Variants in LAMA5 observed in about 807,000 individuals in gnomAD.
LAMA5 encodes the protein laminin subunit alpha-5.
A neutral mutation model predicts 433.4 loss-of-function variants in LAMA5; 260 were observed. That is an observed-to-expected ratio of 0.60 (90% CI 0.54 to 0.66). The LOEUF (loss-of-function observed/expected upper bound fraction) is 0.66. Among genes scored for constraint, LAMA5 ranks in the 30% least tolerant of loss-of-function variants. The probability of loss-of-function intolerance (pLI) is 0.00; values close to 1 mark genes in which losing one functional copy is unlikely to be tolerated. For synonymous variants in LAMA5, 2,620 were observed against 2,226.6 expected, an observed-to-expected ratio of 1.18 and a Z score of -4.97; for missense variants, 5,378 against 5,258.5, an observed-to-expected ratio of 1.02 and a Z score of -0.70.
intron 79 of LAMA5, 70 bp downstream of exon 79, chr20:62,309,646 A>AGGGGGCGGGGGGTGGAGGGGTGGGG (rs1267405426): frequency 3.8e-6 from 1 of 265,544 alleles, no homozygotes; most frequent in African/African-American, 1.3e-4. Context: ...GGGTGGGGGG[A>AGGGGGCGGGGGGTGGAGGGGTGGGG]GGGTGGTAGG....
At chr20:62,352,847 T>C (rs2146315427) in intron 3 of LAMA5, 2 of 402,506 alleles carry the variant, frequency 5.0e-6, no homozygotes, top group East Asian at 4.6e-5. Context: ...CAGGCCCCTT[T>C]TGTCACCACG....
intron 17 of LAMA5, 65 bp downstream of exon 17, chr20:62,336,669 C>G (rs967905667): frequency 6.3e-7 from 1 of 1,577,530 alleles, no homozygotes; most frequent in Non-Finnish European, 8.7e-7. Context: ...TCTCACCGGA[C>G]TCGGGACTTT....
Position 62,332,717 on chromosome 20 carries a change from C to T in LAMA5, c.3283G>A (p.Val1095Met), listed in dbSNP as rs752581332. 3.9e-5 allele frequency: 62 copies of T among 1,610,224 alleles called. 1 individual carries two copies. In the South Asian group the frequency reaches 6.5e-4, roughly 17 times the overall value. ...PPLITCTGSD[V>M]DVQLQVAVPQ... ...ACTGCCACTTGAAGCTGGACGTCCA[C>T]CTGCAGGGAAGGCAGGGTGACGGGA... Residue 1095 changes from valine (V) to methionine (M), a missense_variant and splice_region_variant, in exon 27 of 80, where the codon GTG (valine) becomes ATG (methionine). Coordinates refer to ENST00000252999, the MANE Select transcript of LAMA5 (RefSeq NM_005560.6).
chr20:62,337,114 AAC>A, intron 16 of LAMA5: 1 of 583,046 alleles, frequency 1.7e-6, no homozygotes, highest in Non-Finnish European at 3.3e-6. Context: ...CACGTGCACT[AAC>A]ACACCCACAC....
chr20:62,366,564 C>T (rs1986750246), intron 1 of LAMA5, among the ~76,000 whole-genome samples: 1 of 152,232 alleles, frequency 6.6e-6, no homozygotes, highest in South Asian at 2.1e-4. Flanking sequence ...CAGCCTGTCC[C>T]GGGTAGGGCG....
intron 2 of LAMA5, among the ~76,000 whole-genome samples, chr20:62,361,438 C>G (rs574885952): frequency 6.6e-6 from 1 of 152,234 alleles, no homozygotes; most frequent in Non-Finnish European, 1.5e-5. Context: ...CTGCAGACCA[C>G]CAAGGCTGCC....
rs6143035 is a variant in LAMA5, at chr20:62,345,644, T to C, written c.1477+174A>G. ...CTAACTTTTTTCTTTGGCTTTATGCTGACCTATATTTCCGAAGGTTTTCCA... is the reference window on the plus strand; with the variant it reads ...CTAACTTTTTTCTTTGGCTTTATGCCGACCTATATTTCCGAAGGTTTTCCA... On this transcript the variant is annotated intron_variant, in intron 11 of 79. Transcript: ENST00000252999. 0.23 allele frequency: 147,431 copies of C among 644,594 alleles called. 17,632 individuals carry two copies. Among genetic ancestry groups the C allele is most frequent in the African/African-American group, 0.33 (18,087 of 55,244 alleles). The allele number at this position is 644,594 out of a possible 1,614,324, so 39.9% of individuals were successfully genotyped here.
rs113308307 is a variant in LAMA5 at position 62,360,506 on chromosome 20, G to A, written c.450+1894C>T. On this transcript the variant is annotated intron_variant, in intron 2 of 79. Coordinates refer to ENST00000252999, the MANE Select transcript of LAMA5 (RefSeq NM_005560.6). ...TAGATGGGTGGTGGGTGGGTGGAGG[G>A]ATAGATGGGTGGGTGGGTGGGTGGA... Among the ~76,000 whole-genome samples, 6 of 1,232 alleles carry A rather than the reference G, an allele frequency of 4.9e-3. 3 individuals are homozygous for A. Among genetic ancestry groups the A allele is most frequent in the East Asian group, 0.042 (2 of 48 alleles). The allele number at this position is 1,232 out of a possible 152,430, so 0.8% of individuals were successfully genotyped here. A position where few individuals can be genotyped will look rare whatever the true frequency, so the allele number is the denominator to read the frequency against.
intron 11 of LAMA5, among the ~76,000 whole-genome samples, chr20:62,345,183 A>C (rs1417622886): frequency 1.3e-5 from 2 of 151,914 alleles, no homozygotes; most frequent in African/African-American, 4.8e-5. Context: ...ATGCCCAGCT[A>C]GTAGAGACGG....
chr20:62,347,797 A>C (rs1478876899), intron 6 of LAMA5, among the ~76,000 whole-genome samples: 1 of 152,188 alleles, frequency 6.6e-6, no homozygotes, highest in African/African-American at 2.4e-5. Context: ...GGACCCCAGA[A>C]GTCAGTCCAG....
chr20:62,309,200 A>ATAACT lies in LAMA5; in HGVS notation c.*131_*135dup. 1 of 884,532 alleles carries ATAACT rather than the reference A, an allele frequency of 1.1e-6. No individual in the cohort carries two copies. The highest frequency in any genetic ancestry group is 1.6e-6 in the Non-Finnish European group (1 of 609,926). The allele number at this position is 884,532 out of a possible 1,614,324, so 54.8% of individuals were successfully genotyped here. On this transcript the variant is annotated 3_prime_UTR_variant, in exon 80 of 80. Transcript: ENST00000252999. ...ATTTTATTCTTTCGTTTAAGAAGCT[A>ATAACT]TAACTTAAACCATCTTCAGAAACAA...
chr20:62,328,162 GT>G, intron 35 of LAMA5, 78 bp downstream of exon 35: 1 of 1,511,500 alleles, frequency 6.6e-7, no homozygotes, highest in Non-Finnish European at 8.9e-7. Context: ...AGCAGGGTGG[GT>G]GCCAGGACCC....
rs972809725 is a variant in LAMA5, at chr20:62,359,992, A to G, written c.450+2408T>C. 5.7e-4 allele frequency among the ~76,000 whole-genome samples: 82 copies of G among 144,968 alleles called. No individual in the cohort carries two copies. The highest frequency in any genetic ancestry group is 8.3e-4 in the Non-Finnish European group (55 of 66,610). On this transcript the variant is annotated intron_variant, in intron 2 of 79. Transcript: ENST00000252999. The surrounding 1 kb of genome is among the most constrained non-coding windows in gnomAD (Gnocchi z 4.3). The stretch of plus-strand genomic sequence containing the variant: ...AGATCCCAGAACAAAGGCTGCTGGC[A>G]GCCCGCTGCAGGGGGAGTGCCCGGA...
At position 62,326,776 on chromosome 20, in the gene LAMA5, G is replaced by C. The variant is rs1453625558; in HGVS notation, c.5215-16C>G. The C allele has an allele frequency of 3.1e-6, 5 of 1,612,040 alleles. No homozygotes were observed. The highest frequency in any genetic ancestry group is 4.2e-6 in the Non-Finnish European group (5 of 1,179,226). On this transcript the variant is annotated splice_polypyrimidine_tract_variant and intron_variant, in intron 39 of 79. Coordinates refer to ENST00000252999, the MANE Select transcript of LAMA5 (RefSeq NM_005560.6). ...TCTGGTTGCCCTGGGAAGGCACATG[G>C]GGAGGTGAGGGTTGGCACGGGCCTG...
rs754675208 is a variant in LAMA5, at chr20:62,313,435, C to A, written c.8684G>T (p.Gly2895Val). The stretch of plus-strand genomic sequence containing the variant: ...GTCCATCTCGATGCAGCCCCGGTAG[C>A]CGGGGAAGCGAAGCAGGGGAGGGGG... Reference protein sequence around the residue: ...FTPPPLLRFPGYRGCIEMDTL... With the variant: ...FTPPPLLRFPVYRGCIEMDTL... Residue 2895 changes from glycine (G) to valine (V), a missense_variant, in exon 64 of 80, where the codon GGC (glycine) becomes GTC (valine). Physicochemically the swap from Gly to Val is moderately radical, Grantham distance 109 (BLOSUM62 -3). Coordinates refer to ENST00000252999, the MANE Select transcript of LAMA5 (RefSeq NM_005560.6). 17 of 1,609,960 alleles carry A rather than the reference C, an allele frequency of 1.1e-5. No homozygotes were observed. Among genetic ancestry groups the A allele is most frequent in the Non-Finnish European group, 9.3e-6 (11 of 1,178,804 alleles).
rs754408334 is a variant in LAMA5 at position 62,314,601 on chromosome 20, C to CCAGGCT, written c.8315_8320dup (p.Glu2772_Pro2773dup). 30 of 1,612,154 alleles carry CCAGGCT rather than the reference C, an allele frequency of 1.9e-5. No individual in the cohort carries two copies. The highest frequency in any genetic ancestry group is 1.6e-4 in the Middle Eastern group (1 of 6,078). ...CACAAAGCGATCCTCGGTACCCTGC[C>CCAGGCT]CAGGCTCAGGCTCTGGGCCCTGCAG... On this transcript the variant is annotated inframe_insertion, in exon 61 of 80. Transcript: ENST00000252999.
chr20:62,362,809 C>A (rs1251409457), intron 1 of LAMA5, among the ~76,000 whole-genome samples: 2 of 151,244 alleles, frequency 1.3e-5, no homozygotes, highest in African/African-American at 4.9e-5. Flanking sequence ...GGGCATCTGC[C>A]TTGGGTGGGA....
At chr20:62,351,657 T>TG (rs748362317) in intron 6 of LAMA5, 47 bp downstream of exon 6, 426 of 1,563,440 alleles carry the variant, frequency 2.7e-4, no homozygotes, top group East Asian at 5.7e-4. Flanking sequence ...GGCAGGGAGC[T>TG]GGGGGGGGCC....
chr20:62,309,273 G>A lies in LAMA5; in HGVS notation c.*63C>T, dbSNP rs1025411619. The A allele has an allele frequency of 6.2e-5, 95 of 1,534,242 alleles. No homozygotes were observed. The highest frequency in any genetic ancestry group is 2.3e-4 in the Middle Eastern group (1 of 4,272). ...GAGTCCAAATAGACACCTATGAGGC[G>A]AGCACAAGGGGCGGTGTGAGGCAGC... On this transcript the variant is annotated 3_prime_UTR_variant, in exon 80 of 80. Transcript: ENST00000252999.
Sources: gnomAD v4.1 joint callset for allele counts (sites outside exome capture counted in the v4.1 genomes callset) on GRCh38, gnomAD v4.1.1 for gene constraint, Gnocchi (gnomAD v3.1) non-coding constraint, MANE v1.5 for transcripts, NCBI Gene and HGNC (gene_info 2026-07-23, HGNC 2026-07-21) for gene names.